The following SPAG17 variants were observed in gnomAD, a reference collection of about 807,000 sequenced individuals.
The protein encoded by SPAG17 is sperm associated antigen 17, also known as sperm-associated antigen 17.
In SPAG17, 169 loss-of-function variants were observed where a neutral mutation model predicts 273.6. The observed-to-expected ratio is 0.62, with a 90% CI of 0.55 to 0.70. The LOEUF is 0.70. SPAG17 is among the 30% of genes least tolerant of loss of function. The pLI, the probability that SPAG17 is intolerant of heterozygous loss-of-function variation, is 0.00. For synonymous variants in SPAG17, 825 were observed against 873.2 expected, an observed-to-expected ratio of 0.94 and a Z score of 0.97; for missense variants, 2,557 against 2,627.8, an observed-to-expected ratio of 0.97 and a Z score of 0.59.
chr1:117,959,447 G>A, intron 48 of SPAG17: 1 of 1,596,308 alleles, frequency 6.3e-7, no homozygotes, highest in East Asian at 2.2e-5. Flanking sequence ...CGTTGACTTA[G>A]AACTGAAATG....
At chr1:118,166,385 G>A (rs1459535529) in intron 1 of SPAG17, among the ~76,000 whole-genome samples, 1 of 152,162 alleles carries the variant, frequency 6.6e-6, no homozygotes. Context: ...TAGAAAACTG[G>A]CTTAAAGACA....
chr1:118,079,889 T>A (rs1175240421), intron 15 of SPAG17, among the ~76,000 whole-genome samples: 1 of 152,012 alleles, frequency 6.6e-6, no homozygotes, highest in Non-Finnish European at 1.5e-5. Flanking sequence ...TTGTTTAATA[T>A]GTTAAATTTG....
At chr1:118,122,073 C>T (rs1657453693) in intron 3 of SPAG17, among the ~76,000 whole-genome samples, 2 of 152,024 alleles carry the variant, frequency 1.3e-5, no homozygotes, top group East Asian at 3.9e-4. Flanking sequence ...ATACATTCTG[C>T]TTTTATCTTA....
At chr1:118,031,665 T>C in intron 25 of SPAG17, 27 bp downstream of exon 25, 2 of 1,608,434 alleles carry the variant, frequency 1.2e-6, no homozygotes, top group Non-Finnish European at 1.7e-6. Flanking sequence ...AAACAGAGTT[T>C]GGGAATCTAT....
At chr1:118,169,995 G>GAAA (rs1454477204) in intron 1 of SPAG17, among the ~76,000 whole-genome samples, 4 of 152,170 alleles carry the variant, frequency 2.6e-5, no homozygotes, top group Non-Finnish European at 4.4e-5. Context: ...GTTGGCAGAT[G>GAAA]AAATATCTCT....
chr1:118,094,634 C>T (rs912463974), intron 7 of SPAG17, among the ~76,000 whole-genome samples: 2 of 152,320 alleles, frequency 1.3e-5, no homozygotes, highest in Admixed American at 1.3e-4. Flanking sequence ...TGATCTGCTT[C>T]TACTAGGGGT....
intron 3 of SPAG17, among the ~76,000 whole-genome samples, chr1:118,143,575 T>C (rs1658798681): frequency 6.6e-6 from 1 of 152,198 alleles, no homozygotes; most frequent in Non-Finnish European, 1.5e-5. Flanking sequence ...GAGATTAGGT[T>C]AGTTGATATA....
chr1:118,097,817 G>T lies in SPAG17; in HGVS notation c.864C>A (p.Ala288=). ...LEAEKLKKEN[A]IKELKTFWKY... is the part of the protein sequence containing the mutation. ...TCCAGAAAGTTTTAAGCTCTTTTAT[G>T]GCATTTTCTTTCTTCAATTTTTCTG... is the stretch of plus-strand genomic sequence containing the variant. Residue 288 remains alanine (A), a synonymous_variant, in exon 7 of 49, where the codon GCC becomes GCA. Transcript: ENST00000336338. 1 of 1,590,322 alleles carries T rather than the reference G, an allele frequency of 6.3e-7. No homozygotes were observed. The highest frequency in any genetic ancestry group is 1.2e-5 in the South Asian group (1 of 86,112).
chr1:118,177,876 G>A lies in SPAG17; in HGVS notation c.87+7195C>T, dbSNP rs530563890. On this transcript the variant is annotated intron_variant, in intron 1 of 48. Coordinates refer to ENST00000336338, the MANE Select transcript of SPAG17 (RefSeq NM_206996.4). ...ACTGAGATTGAACCATGAATAAATA[G>A]ATAATTTTAACAAACCAATAATGAA... is the stretch of plus-strand genomic sequence containing the variant. Among the ~76,000 whole-genome samples, 4 of 152,086 alleles carry A rather than the reference G, an allele frequency of 2.6e-5. No homozygotes were observed. In the South Asian group the frequency reaches 8.3e-4, roughly 32 times the overall value.
At chr1:118,087,045 G>A (rs1468476986) in intron 10 of SPAG17, 37 bp from the exon 11 acceptor site, 2 of 1,530,088 alleles carry the variant, frequency 1.3e-6, no homozygotes, top group Non-Finnish European at 1.7e-6. Context: ...TGGTGTAAGG[G>A]TCCGCTCTTT....
chr1:117,969,984 C>T, intron 46 of SPAG17, 72 bp downstream of exon 46: 1 of 1,416,562 alleles, frequency 7.1e-7, no homozygotes, highest in Non-Finnish European at 9.8e-7. Flanking sequence ...TCAAAGCCCA[C>T]TTCACTGGAA....
intron 1 of SPAG17, among the ~76,000 whole-genome samples, chr1:118,175,075 G>C (rs2102401069): frequency 6.6e-6 from 1 of 152,188 alleles, no homozygotes; most frequent in South Asian, 2.1e-4. Context: ...CTGTTGCCCA[G>C]GCTGGAGTGC....
At chr1:118,138,758 G>A (rs2102316204) in intron 3 of SPAG17, among the ~76,000 whole-genome samples, 1 of 152,158 alleles carries the variant, frequency 6.6e-6, no homozygotes, top group East Asian at 1.9e-4. Context: ...GTCTTTAATG[G>A]TATTTTGTTA....
chr1:118,077,268 G>A (rs964220199), intron 15 of SPAG17, among the ~76,000 whole-genome samples: 11 of 152,008 alleles, frequency 7.2e-5, no homozygotes, highest in Non-Finnish European at 1.3e-4. Flanking sequence ...GTGACACCAA[G>A]CCCAGATGCC....
At chr1:118,152,835 C>T (rs1452337949) in intron 1 of SPAG17, among the ~76,000 whole-genome samples, 1 of 152,042 alleles carries the variant, frequency 6.6e-6, no homozygotes, top group East Asian at 1.9e-4. Context: ...AATTAGATGC[C>T]TTTTTTCTCT....
chr1:118,105,124 C>T (rs1233721807), intron 4 of SPAG17, among the ~76,000 whole-genome samples: 1 of 152,068 alleles, frequency 6.6e-6, no homozygotes, highest in African/African-American at 2.4e-5. Context: ...CAGGAAGAGG[C>T]TGGGTGCCAG....
Position 117,977,194 on chromosome 1 carries a change from G to A in SPAG17, c.6005-3633C>T, listed in dbSNP as rs906734953. Among the ~76,000 whole-genome samples, 7 of 151,788 alleles carry A rather than the reference G, an allele frequency of 4.6e-5. 1 individual carries two copies. The highest frequency in any genetic ancestry group is 1.7e-4 in the African/African-American group (7 of 41,394). On this transcript the variant is annotated intron_variant, in intron 43 of 48. Transcript: ENST00000336338. ...AAATTAGCTGGGTGTGATGGTGGGT[G>A]CCTGTAATCCCAGCTACTCAGGAGG...
intron 43 of SPAG17, among the ~76,000 whole-genome samples, chr1:117,979,892 A>G (rs1002921193): frequency 6.6e-6 from 1 of 152,112 alleles, no homozygotes; most frequent in African/African-American, 2.4e-5. Flanking sequence ...TAATCTCCTA[A>G]TGGAATGTTG....
intron 41 of SPAG17, 40 bp downstream of exon 41, chr1:117,984,643 A>G: frequency 7.6e-7 from 1 of 1,315,310 alleles, no homozygotes; most frequent in Non-Finnish European, 1.1e-6. Flanking sequence ...CCAAATTTAT[A>G]AAAACTTTTA....
Sources: allele counts gnomAD v4.1 joint callset (sites outside exome capture counted in the v4.1 genomes callset), GRCh38; gene constraint gnomAD v4.1.1; transcripts MANE v1.5; gene names NCBI Gene and HGNC (gene_info 2026-07-23, HGNC 2026-07-21).